Variants in CLVS1 observed in about 807,000 individuals in gnomAD.
CLVS1 encodes the protein clavesin-1.
In CLVS1, 10 loss-of-function variants were observed where a neutral mutation model predicts 33.1. The observed-to-expected ratio is 0.30, with a 90% CI of 0.19 to 0.51. The LOEUF (loss-of-function observed/expected upper bound fraction) is 0.51, where lower values mean the gene tolerates loss of function less well. Ranked by LOEUF, CLVS1 falls within the 20% of genes least tolerant of loss-of-function variation. The pLI, the probability that CLVS1 is intolerant of heterozygous loss-of-function variation, is 0.97. For missense variants in CLVS1, 343 were observed against 433.4 expected (o/e 0.79, Z 1.85); for synonymous variants, 163 against 166.1 (o/e 0.98, Z 0.14).
At chr8:61,357,669 C>A (rs1384343762) in intron 2 of CLVS1, among the ~76,000 whole-genome samples, 1 of 151,286 alleles carries the variant, frequency 6.6e-6, no homozygotes, top group Non-Finnish European at 1.5e-5. Context: ...CCATGTCTGG[C>A]TAATTTTTTG....
At chr8:61,143,282 A>G (rs1178124103) in intron 2 of CLVS1, among the ~76,000 whole-genome samples, 1 of 152,200 alleles carries the variant, frequency 6.6e-6, no homozygotes, top group Non-Finnish European at 1.5e-5. Flanking sequence ...TGGTGACCGT[A>G]CAGTCAACAC....
At chr8:60,967,513 G>C in the CLVS1 span, 1 of 382,076 alleles carries the variant, frequency 2.6e-6, no homozygotes, top group South Asian at 1.9e-5. Flanking sequence ...GCAGTAGCCA[G>C]ACCCCAGCAG....
intron 1 of CLVS1, among the ~76,000 whole-genome samples, chr8:61,126,458 G>T (rs1441286190): frequency 6.6e-6 from 1 of 152,194 alleles, no homozygotes; most frequent in Non-Finnish European, 1.5e-5. Flanking sequence ...ATAAATGCTT[G>T]CTATTGTTAC....
At position 61,499,460 on chromosome 8, in the gene CLVS1, A is replaced by G; in HGVS notation, c.983A>G (p.Gln328Arg). ...ECSPKLMKRS[Q>R]SVVEAGTLKH... Reference sequence around the variant, plus strand: ...TTTCCCTCCCCTCTTGTTAGATCTCAGTCTGTGGTAGAAGCTGGGACCCTG... The same window carrying G: ...TTTCCCTCCCCTCTTGTTAGATCTCGGTCTGTGGTAGAAGCTGGGACCCTG... Residue 328 changes from glutamine (Q) to arginine (R), a missense_variant, in exon 6 of 6, where the codon CAG becomes CGG. By Grantham distance (43) the Gln-to-Arg change is conservative. Coordinates refer to ENST00000325897, the MANE Select transcript of CLVS1 (RefSeq NM_173519.3). 6.2e-7 allele frequency: 1 copy of G among 1,611,530 alleles called. No homozygotes were observed. Among genetic ancestry groups the G allele is most frequent in the Non-Finnish European group, 8.5e-7 (1 of 1,177,702 alleles).
At chr8:61,390,124 G>T (rs1483398440) in intron 3 of CLVS1, among the ~76,000 whole-genome samples, 7 of 152,092 alleles carry the variant, frequency 4.6e-5, no homozygotes, top group Non-Finnish European at 4.4e-5. Context: ...ACTGTAAAAA[G>T]ATTTTTTCCT....
At chr8:61,481,979 G>T (rs1446107396) in intron 5 of CLVS1, among the ~76,000 whole-genome samples, 1 of 152,186 alleles carries the variant, frequency 6.6e-6, no homozygotes, top group Non-Finnish European at 1.5e-5. Flanking sequence ...CATACAGCTA[G>T]GTGCCCCTCT....
At chr8:61,080,561 A>G (rs915258861) in intron 1 of CLVS1, among the ~76,000 whole-genome samples, 1 of 152,220 alleles carries the variant, frequency 6.6e-6, no homozygotes, top group Non-Finnish European at 1.5e-5. Flanking sequence ...ACTTTATTCA[A>G]TACATCAAAA....
chr8:61,090,807 T>C, intron 1 of CLVS1: 1 of 506,514 alleles, frequency 2.0e-6, no homozygotes. Flanking sequence ...ATGGATTATA[T>C]GCAGATTCAT....
chr8:61,244,131 A>G (rs1026154614), intron 2 of CLVS1, among the ~76,000 whole-genome samples: 7 of 152,176 alleles, frequency 4.6e-5, no homozygotes, highest in African/African-American at 1.7e-4. Flanking sequence ...GCTTTCATGC[A>G]GAGATGACCA....
At chr8:61,255,609 C>T (rs1809061601) in intron 2 of CLVS1, among the ~76,000 whole-genome samples, 1 of 152,138 alleles carries the variant, frequency 6.6e-6, no homozygotes. Flanking sequence ...CATTCCTATC[C>T]TGCAAGTAGA....
At chr8:61,346,223 A>C (rs932642968) in intron 2 of CLVS1, among the ~76,000 whole-genome samples, 2 of 152,098 alleles carry the variant, frequency 1.3e-5, no homozygotes, top group African/African-American at 4.8e-5. Context: ...ACTCTAAACG[A>C]TTACATCAGA....
At chr8:61,355,288 CT>C (rs77838180) in intron 2 of CLVS1, among the ~76,000 whole-genome samples, 2,781 of 145,570 alleles carry the variant, frequency 0.019, 54 homozygotes, top group East Asian at 0.08. Flanking sequence ...GAAGAAGTTT[CT>C]TTTTTTTTTT....
At chr8:61,478,196 T>A (rs1179660999) in intron 5 of CLVS1, among the ~76,000 whole-genome samples, 1 of 152,188 alleles carries the variant, frequency 6.6e-6, no homozygotes, top group Non-Finnish European at 1.5e-5. Context: ...TTGTTATAAT[T>A]TCTGTTCTTT....
At chr8:61,292,447 G>A (rs571367334) in intron 1 of CLVS1, 28 of 455,428 alleles carry the variant, frequency 6.1e-5, no homozygotes, top group African/African-American at 1.0e-4. Flanking sequence ...GTTAATGGCC[G>A]TTTTTGGGTG....
the CLVS1 span, among the ~76,000 whole-genome samples, chr8:61,033,033 GAA>G: frequency 9.5e-4 from 103 of 108,988 alleles, 1 homozygote; most frequent in East Asian, 0.011. Context: ...AAGAAAGAAA[GAA>G]AGAAAGAAAG....
the CLVS1 span, among the ~76,000 whole-genome samples, chr8:60,972,675 T>C: frequency 1.4e-3 from 217 of 152,298 alleles, 1 homozygote; most frequent in Middle Eastern, 0.014. Context: ...AACTCCTTTG[T>C]GGCCCCCACC....
At chr8:61,157,369 T>C (rs1396697627) in intron 2 of CLVS1, among the ~76,000 whole-genome samples, 1 of 152,208 alleles carries the variant, frequency 6.6e-6, no homozygotes, top group Non-Finnish European at 1.5e-5. Context: ...TTGACTTATC[T>C]AGCCATACAC....
intron 2 of CLVS1, among the ~76,000 whole-genome samples, chr8:61,203,497 G>T (rs1226234808): frequency 6.6e-6 from 1 of 151,744 alleles, no homozygotes; most frequent in Non-Finnish European, 1.5e-5. Flanking sequence ...GAAATCGTGG[G>T]GAGACAAAAA....
At chr8:61,129,305 G>A (rs1343159432) in intron 1 of CLVS1, among the ~76,000 whole-genome samples, 2 of 152,242 alleles carry the variant, frequency 1.3e-5, no homozygotes, top group Non-Finnish European at 2.9e-5. Context: ...TGCTTAGGTT[G>A]TGTAGTGATT....
Sources: allele counts gnomAD v4.1 joint callset (sites outside exome capture counted in the v4.1 genomes callset), GRCh38; gene constraint gnomAD v4.1.1; transcripts MANE v1.5; gene names NCBI Gene and HGNC (gene_info 2026-07-23, HGNC 2026-07-21).